Variants in UBASH3B observed in about 807,000 individuals in gnomAD.
UBASH3B encodes the protein ubiquitin associated and SH3 domain containing B, also known as ubiquitin-associated and SH3 domain-containing protein B.
Under a neutral mutation model 83.4 loss-of-function variants are expected in UBASH3B, and 37 were observed. The observed-to-expected ratio is 0.44, with a 90% CI of 0.34 to 0.58. The LOEUF is 0.58. UBASH3B is among the 20% of genes least tolerant of loss of function. The pLI, the probability that UBASH3B is intolerant of heterozygous loss-of-function variation, is 0.01. For missense variants in UBASH3B, 657 were observed against 827.2 expected, an observed-to-expected ratio of 0.79 and a Z score of 2.52; for synonymous variants, 304 against 318.3, an observed-to-expected ratio of 0.96 and a Z score of 0.48.
intron 1 of UBASH3B, among the ~76,000 whole-genome samples, chr11:122,657,589 CCCTT>C (rs1190411520): frequency 6.6e-6 from 1 of 152,162 alleles, no homozygotes; most frequent in Non-Finnish European, 1.5e-5. Context: ...TGTCTCCCCT[CCCTT>C]ATCTCTGGGC....
At position 122,796,135 on chromosome 11, in the gene UBASH3B, A is replaced by G. The variant is rs201489406; in HGVS notation, c.1114-21A>G. On this transcript the variant is annotated intron_variant, in intron 7 of 13. Coordinates refer to ENST00000284273, the MANE Select transcript of UBASH3B (RefSeq NM_032873.5). Reference sequence around the variant, plus strand: ...CACTTTGCCATGTGTGTCTTCACTAATAGCCTTTCTTTCTCTGCAGCCGCT... The same window carrying G: ...CACTTTGCCATGTGTGTCTTCACTAGTAGCCTTTCTTTCTCTGCAGCCGCT... 1.4e-5 allele frequency: 22 copies of G among 1,613,580 alleles called. No homozygotes were observed. The African/African-American group carries it at 2.4e-4, about 18-fold the overall frequency.
intron 1 of UBASH3B, among the ~76,000 whole-genome samples, chr11:122,660,534 A>C (rs1863425595): frequency 6.6e-6 from 1 of 152,210 alleles, no homozygotes; most frequent in Non-Finnish European, 1.5e-5. Context: ...GTCTGAGCCT[A>C]ACACCGGAGA....
chr11:122,667,345 C>A (rs989142227), intron 1 of UBASH3B, among the ~76,000 whole-genome samples: 14 of 152,134 alleles, frequency 9.2e-5, no homozygotes, highest in African/African-American at 3.4e-4. Context: ...CGCGCCCAGT[C>A]CATTCTTTCT....
intron 1 of UBASH3B, among the ~76,000 whole-genome samples, chr11:122,691,191 T>G (rs1011104424): frequency 2.0e-5 from 3 of 152,218 alleles, no homozygotes; most frequent in Non-Finnish European, 4.4e-5. Flanking sequence ...CATGGCTGTG[T>G]GTTCTGCTCT....
chr11:122,773,581 A>G (rs148128143), intron 1 of UBASH3B, among the ~76,000 whole-genome samples: 579 of 152,284 alleles, frequency 3.8e-3, no homozygotes, highest in African/African-American at 0.013. Flanking sequence ...ATCTTGGCCA[A>G]GCCTCCCCGG....
At chr11:122,765,014 GA>G (rs57309301) in intron 1 of UBASH3B, among the ~76,000 whole-genome samples, 23,601 of 145,478 alleles carry the variant, frequency 0.16, 2,157 homozygotes, top group African/African-American at 0.26. Context: ...CTGCTGCATA[GA>G]AAAAAAAAAA....
intron 1 of UBASH3B, among the ~76,000 whole-genome samples, chr11:122,722,652 G>A (rs989714947): frequency 6.6e-6 from 1 of 151,996 alleles, no homozygotes; most frequent in African/African-American, 2.4e-5. Context: ...TTCTTCACAT[G>A]AAAGTCTGAC....
Position 122,777,063 on chromosome 11 carries a change from C to T in UBASH3B, c.255C>T (p.Pro85=). ...SHVGDPFLDD[P]LPREYVLYLR... is the part of the protein sequence containing the mutation. ...TCGGTGACCCCTTCCTGGATGACCCCCTGCCCCGGGAGTACGTCCTCTACC... is the reference window on the plus strand; with the variant it reads ...TCGGTGACCCCTTCCTGGATGACCCTCTGCCCCGGGAGTACGTCCTCTACC... Residue 85 remains proline (P), a synonymous_variant, in exon 3 of 14, where the codon CCC becomes CCT. Coordinates refer to ENST00000284273, the MANE Select transcript of UBASH3B (RefSeq NM_032873.5). 1.9e-6 allele frequency: 3 copies of T among 1,613,420 alleles called. No individual in the cohort carries two copies. Among genetic ancestry groups the T allele is most frequent in the Non-Finnish European group, 2.5e-6 (3 of 1,179,702 alleles).
chr11:122,745,301 C>T (rs1032717477), intron 1 of UBASH3B, among the ~76,000 whole-genome samples: 2 of 152,230 alleles, frequency 1.3e-5, no homozygotes, highest in Admixed American at 1.3e-4. Context: ...GTCCATTTTC[C>T]TATTCCCAGT....
chr11:122,774,376 C>A (rs920602247), intron 1 of UBASH3B: 1 of 906,940 alleles, frequency 1.1e-6, no homozygotes, highest in Non-Finnish European at 1.3e-6. Context: ...TAGTCTTTAA[C>A]TTGTCTTTCT....
intron 1 of UBASH3B, among the ~76,000 whole-genome samples, chr11:122,686,971 G>A (rs934906279): frequency 6.6e-6 from 1 of 151,902 alleles, no homozygotes; most frequent in South Asian, 2.1e-4. Context: ...AGGTTCAAGT[G>A]ATTCTCCTGC....
chr11:122,687,111 C>G (rs1863819262), intron 1 of UBASH3B, among the ~76,000 whole-genome samples: 1 of 152,150 alleles, frequency 6.6e-6, no homozygotes, highest in Non-Finnish European at 1.5e-5. Flanking sequence ...TCAAGCTATC[C>G]ACTCGCCTTG....
intron 1 of UBASH3B, among the ~76,000 whole-genome samples, chr11:122,712,908 T>TTG: frequency 7.9e-6 from 1 of 125,856 alleles, no homozygotes; most frequent in East Asian, 2.4e-4. Context: ...TTTTTTTTTT[T>TTG]TTTTTTTTTT....
At chr11:122,688,625 C>CTTTTATTTTATTTTATTTTATTTTA (rs560066242) in intron 1 of UBASH3B, among the ~76,000 whole-genome samples, 3 of 137,356 alleles carry the variant, frequency 2.2e-5, no homozygotes, top group African/African-American at 8.5e-5. Flanking sequence ...TTTTTTCTTT[C>CTTTTATTTTATTTTATTTTATTTTA]TTTTATTTTA....
In UBASH3B at chr11:122,810,225, G is replaced by C. The variant is rs752445876; in HGVS notation, c.*339G>C. On this transcript the variant is annotated 3_prime_UTR_variant, in exon 14 of 14. Transcript: ENST00000284273. ...TTCTCCCAGAGGGAGCTGCTGGCCC[G>C]CTCTAAGGGGTGCAAGAGGAAGGAG... is the stretch of plus-strand genomic sequence containing the variant. 2 of 194,780 alleles carry C rather than the reference G, an allele frequency of 1.0e-5. No individual in the cohort carries two copies. Among genetic ancestry groups the C allele is most frequent in the East Asian group, 2.6e-4 (2 of 7,576 alleles). The allele number at this position is 194,780 out of a possible 1,614,324, so 12.1% of individuals were successfully genotyped here. A position where few individuals can be genotyped will look rare whatever the true frequency, so the allele number is the denominator to read the frequency against.
chr11:122,800,254 TG>T (rs1324036210), intron 10 of UBASH3B, among the ~76,000 whole-genome samples: 2 of 152,000 alleles, frequency 1.3e-5, no homozygotes, highest in Non-Finnish European at 2.9e-5. Context: ...AGAGGAATTA[TG>T]GGGGCCAGGC....
intron 1 of UBASH3B, among the ~76,000 whole-genome samples, chr11:122,670,181 G>A (rs989911806): frequency 9.8e-6 from 1 of 102,418 alleles, no homozygotes; most frequent in East Asian, 3.1e-4. Flanking sequence ...GAGTGTGAAT[G>A]TGTGTGTGTG....
intron 1 of UBASH3B, among the ~76,000 whole-genome samples, chr11:122,715,160 T>C (rs1860496496): frequency 6.6e-6 from 1 of 152,202 alleles, no homozygotes; most frequent in South Asian, 2.1e-4. Flanking sequence ...TTAGCCAGGA[T>C]GGTCTCGATC....
chr11:122,796,369 A>T, intron 8 of UBASH3B, 93 bp downstream of exon 8: 1 of 1,543,034 alleles, frequency 6.5e-7, no homozygotes, highest in Non-Finnish European at 8.8e-7. Flanking sequence ...GGAGTCATTC[A>T]TAGTTTTGCG....
Sources: gnomAD v4.1 joint callset for allele counts (sites outside exome capture counted in the v4.1 genomes callset) on GRCh38, gnomAD v4.1.1 for gene constraint, MANE v1.5 for transcripts, NCBI Gene and HGNC (gene_info 2026-07-23, HGNC 2026-07-21) for gene names.